The following TNC variants were observed in gnomAD, a reference collection of about 807,000 sequenced individuals.
The protein encoded by TNC is tenascin.
TNC carries 109 observed loss-of-function variants against 202.4 expected under a neutral mutation model. The ratio of observed to expected loss-of-function variants is 0.54; its 90% confidence interval spans 0.46 to 0.63. The LOEUF is 0.63. Ranked by LOEUF, TNC falls within the 30% of genes least tolerant of loss-of-function variation. TNC has a pLI of 0.00. For missense variants in TNC, 2,756 were observed against 2,833.3 expected, an observed-to-expected ratio of 0.97 and a Z score of 0.62; for synonymous variants, 1,007 against 1,089.7, an observed-to-expected ratio of 0.92 and a Z score of 1.50.
Position 115,030,474 on chromosome 9 carries a change from T to C in TNC, c.5921-69A>G, listed in dbSNP as rs1226187805. 1.5e-5 allele frequency: 22 copies of C among 1,494,746 alleles called. No homozygotes were observed. In the East Asian group the frequency reaches 4.1e-4, roughly 28 times the overall value. The allele number at this position is 1,494,746 out of a possible 1,614,324, so 92.6% of individuals were successfully genotyped here. On this transcript the variant is annotated intron_variant, in intron 23 of 27. Coordinates refer to ENST00000350763, the MANE Select transcript of TNC (RefSeq NM_002160.4). Reference sequence around the variant, plus strand: ...CTGAGCTGGAGCTTAATTCTTAGCTTAACTCTATGGACTAGAATGCCTGGG... The same window carrying C: ...CTGAGCTGGAGCTTAATTCTTAGCTCAACTCTATGGACTAGAATGCCTGGG...
intron 1 of TNC, among the ~76,000 whole-genome samples, chr9:115,111,621 G>T (rs1837072608): frequency 6.6e-6 from 1 of 151,846 alleles, no homozygotes; most frequent in Non-Finnish European, 1.5e-5. Context: ...ATATTGGCCA[G>T]GCTGGTCTCG....
At chr9:115,069,425 AAGAGGGGAGAAGAGAGGAAGG>A (rs1833190825) in intron 10 of TNC, among the ~76,000 whole-genome samples, 1 of 151,562 alleles carries the variant, frequency 6.6e-6, no homozygotes, top group Admixed American at 6.6e-5. Context: ...GAGGAGAGAG[AAGAGGGGAGAAGAGAGGAAGG>A]AGAGGGGAGG....
chr9:115,064,656 C>G lies in TNC; in HGVS notation c.3478G>C (p.Ala1160Pro). The change falls in exon 11 of 28, where the codon GCC becomes CCC. Residue 1160 changes from alanine (A) to proline (P), a missense_variant. This residue lies in a region of TNC where 2,559 missense variants were observed against 2,546.0 expected (regional missense o/e 1.01). Coordinates refer to ENST00000350763, the MANE Select transcript of TNC (RefSeq NM_002160.4). The stretch of plus-strand genomic sequence containing the variant: ...GAAAGGAAAGAGATACCTGTGGAGG[C>G]CTCAGCAGAGAGCACTGGTGTTCTA... ...GYRTPVLSAE[A>P]STGETPNLGE... 1 of 1,608,156 alleles carries G rather than the reference C, an allele frequency of 6.2e-7. No homozygotes were observed. The highest frequency in any genetic ancestry group is 1.1e-5 in the South Asian group (1 of 90,948).
At chr9:115,046,342 T>C in intron 17 of TNC, 68 bp downstream of exon 17, 1 of 1,561,592 alleles carries the variant, frequency 6.4e-7, no homozygotes. Flanking sequence ...CTGTGATTAC[T>C]CAGCCCTGTG....
rs1452940622 is a variant in TNC, at chr9:115,057,199, A to C, written c.4533T>G (p.Leu1511=). ...TGGTTTTGGTCCGGATGCTGGGAGC[A>C]AGTCCAGAGAGGTAGACAATAAAAT... is the stretch of plus-strand genomic sequence containing the variant. The part of the protein sequence containing the change: ...STDFIVYLSG[L]APSIRTKTIS... The change falls in exon 15 of 28, where the codon CTT becomes CTG. Residue 1511 remains leucine (L), a synonymous_variant. Transcript: ENST00000350763. The C allele has an allele frequency of 1.2e-6, 2 of 1,614,048 alleles. No individual in the cohort carries two copies. The highest frequency in any genetic ancestry group is 1.7e-6 in the Non-Finnish European group (2 of 1,179,976).
intron 1 of TNC, among the ~76,000 whole-genome samples, chr9:115,092,374 G>A (rs1446520992): frequency 6.6e-6 from 1 of 152,142 alleles, no homozygotes; most frequent in Non-Finnish European, 1.5e-5. Context: ...GAGCAATCAG[G>A]TAGCAGAGAA....
Position 115,086,379 on chromosome 9 carries a change from T to G in TNC, c.1352A>C (p.Glu451Ala). The G allele has an allele frequency of 6.2e-7, 1 of 1,614,124 alleles. No individual in the cohort carries two copies. The highest frequency in any genetic ancestry group is 8.5e-7 in the Non-Finnish European group (1 of 1,180,014). The change falls in exon 3 of 28, where the codon GAG becomes GCG. Residue 451 changes from glutamate (E) to alanine (A), a missense_variant. Glu to Ala is a moderately radical substitution (Grantham distance 107, BLOSUM62 -1). Transcript: ENST00000350763. Reference sequence around the variant, plus strand: ...GCCTTGCTCACATACACATTTGCCCTCGACACAGCGGCCCCGACTGTGACA... The same window carrying G: ...GCCTTGCTCACATACACATTTGCCCGCGACACAGCGGCCCCGACTGTGACA... Reference protein sequence around the residue: ...NDCHSRGRCVEGKCVCEQGFK... With the variant: ...NDCHSRGRCVAGKCVCEQGFK...
intron 20 of TNC, 51 bp from the exon 21 acceptor site, chr9:115,036,292 A>G: frequency 6.2e-7 from 1 of 1,600,464 alleles, no homozygotes; most frequent in African/African-American, 1.3e-5. Context: ...TGTCTGAGCC[A>G]TGAGTGGGCT....
At chr9:115,063,560 G>GA (rs1170400490) in intron 12 of TNC, among the ~76,000 whole-genome samples, 1 of 152,138 alleles carries the variant, frequency 6.6e-6, no homozygotes, top group Non-Finnish European at 1.5e-5. Context: ...TACTTTGAAA[G>GA]AAAAGCCACC....
rs1833830091 is a variant in TNC, at chr9:115,076,120, A to G, written c.2862T>C (p.Gly954=). ...TCCCATATTCAGTTCCCGGCCTCAG[A>G]CCTAAGGAGAGAATGTGCAAGTTGA... ...QQATTKTTLT[G]LRPGTEYGIG... Residue 954 remains glycine (G), a splice_region_variant and synonymous_variant, in exon 9 of 28, where the codon GGT becomes GGC. Transcript: ENST00000350763. 2 of 1,613,686 alleles carry G rather than the reference A, an allele frequency of 1.2e-6. No individual in the cohort carries two copies. Among genetic ancestry groups the G allele is most frequent in the Middle Eastern group, 3.3e-4 (2 of 6,062 alleles).
intron 25 of TNC, among the ~76,000 whole-genome samples, chr9:115,026,986 G>A (rs1221286735): frequency 6.6e-6 from 1 of 152,034 alleles, no homozygotes; most frequent in Non-Finnish European, 1.5e-5. Flanking sequence ...GTGGGTGCCT[G>A]TAGTCCCAGC....
chr9:115,098,042 T>C (rs1835928116), intron 1 of TNC, among the ~76,000 whole-genome samples: 1 of 152,132 alleles, frequency 6.6e-6, no homozygotes, highest in Non-Finnish European at 1.5e-5. Context: ...CTGGTACATT[T>C]ATGGCCCCAG....
intron 1 of TNC, among the ~76,000 whole-genome samples, chr9:115,116,892 G>A (rs1248136211): frequency 1.3e-5 from 2 of 152,114 alleles, no homozygotes; most frequent in African/African-American, 2.4e-5. Context: ...GGCTGGGGGC[G>A]GGCTGAGGAA....
chr9:115,105,784 T>C (rs906324183), intron 1 of TNC, among the ~76,000 whole-genome samples: 12 of 152,170 alleles, frequency 7.9e-5, no homozygotes, highest in Non-Finnish European at 1.3e-4. Flanking sequence ...ATTAAACACG[T>C]TTGGAAAATG....
intron 1 of TNC, among the ~76,000 whole-genome samples, chr9:115,098,753 A>G (rs1835984489): frequency 6.6e-6 from 1 of 151,992 alleles, no homozygotes; most frequent in South Asian, 2.1e-4. Context: ...CTTACACCAA[A>G]TTTTTCTTCT....
intron 1 of TNC, among the ~76,000 whole-genome samples, chr9:115,101,617 G>A (rs1432159375): frequency 6.6e-6 from 1 of 152,164 alleles, no homozygotes; most frequent in African/African-American, 2.4e-5. Flanking sequence ...AATAGCAAGA[G>A]TATAAATGTT....
chr9:115,036,587 GC>G (rs1259139180), intron 20 of TNC, among the ~76,000 whole-genome samples: 1 of 152,058 alleles, frequency 6.6e-6, no homozygotes, highest in Non-Finnish European at 1.5e-5. Context: ...CAAGCCTGCT[GC>G]CCATGCTTAA....
At chr9:115,112,104 A>G (rs142733736) in intron 1 of TNC, among the ~76,000 whole-genome samples, 1 of 152,318 alleles carries the variant, frequency 6.6e-6, no homozygotes, top group Non-Finnish European at 1.5e-5. Flanking sequence ...GTGTGAGTTA[A>G]GGCTGTTGAG....
intron 1 of TNC, among the ~76,000 whole-genome samples, chr9:115,100,978 A>C (rs1048722130): frequency 6.6e-6 from 1 of 152,152 alleles, no homozygotes; most frequent in Non-Finnish European, 1.5e-5. Flanking sequence ...TCCAGAGAGA[A>C]ATATCAGTGG....
Sources: allele counts gnomAD v4.1 joint callset (sites outside exome capture counted in the v4.1 genomes callset), GRCh38; gene constraint gnomAD v4.1.1; regional missense constraint gnomAD v4.1.1; transcripts MANE v1.5; gene names NCBI Gene and HGNC (gene_info 2026-07-23, HGNC 2026-07-21).